Variants in NOS2 observed in about 807,000 individuals in gnomAD.
The protein encoded by NOS2 is nitric oxide synthase 2, also known as nitric oxide synthase, inducible.
In NOS2, 96 loss-of-function variants were observed where a neutral mutation model predicts 136.0. The observed-to-expected ratio is 0.71, with a 90% CI of 0.60 to 0.84. The LOEUF (loss-of-function observed/expected upper bound fraction) is 0.84. Among genes scored for constraint, NOS2 ranks in the 40% least tolerant of loss-of-function variants. The pLI is 0.00. For missense variants in NOS2, 1,237 were observed against 1,496.9 expected (o/e 0.83, Z 2.87); for synonymous variants, 539 against 587.5 (o/e 0.92, Z 1.20).
At chr17:27,773,339 T>C in intron 12 of NOS2, 96 bp from the exon 13 acceptor site, 1 of 831,046 alleles carries the variant, frequency 1.2e-6, no homozygotes, top group Admixed American at 2.2e-5. Context: ...ACACCCATCA[T>C]GAGCCTGGGA....
Position 27,762,864 on chromosome 17 carries a change from A to C in NOS2, c.2734T>G (p.Ser912Ala). ...TCTGTGGGCGTGTGATCCCGGGAGGAGCTGATGGAGTAGAACCTGGGCTTC... is the reference window on the plus strand; with the variant it reads ...TCTGTGGGCGTGTGATCCCGGGAGGCGCTGATGGAGTAGAACCTGGGCTTC... ...ILKPRFYSIS[S>A]SRDHTPTEIH... Residue 912 changes from serine (S) to alanine (A), a missense_variant, in exon 22 of 27, where the codon TCC becomes GCC. By Grantham distance (99) the Ser-to-Ala change is moderately conservative (BLOSUM62 1). This residue lies in a region of NOS2 where 782 missense variants were observed against 909.9 expected (regional missense o/e 0.86). Coordinates refer to ENST00000313735, the MANE Select transcript of NOS2 (RefSeq NM_000625.4). 6.3e-7 allele frequency: 1 copy of C among 1,578,502 alleles called. No homozygotes were observed. Among genetic ancestry groups the C allele is most frequent in the Non-Finnish European group, 8.6e-7 (1 of 1,162,610 alleles).
At chr17:27,793,384 A>C (rs535271391) in intron 2 of NOS2, among the ~76,000 whole-genome samples, 2 of 152,318 alleles carry the variant, frequency 1.3e-5, no homozygotes, top group East Asian at 3.9e-4. Context: ...CTCATAGTGC[A>C]TGGGGGGTTT....
chr17:27,763,606 G>T (rs910760230), intron 21 of NOS2, among the ~76,000 whole-genome samples: 4 of 152,176 alleles, frequency 2.6e-5, no homozygotes, highest in African/African-American at 9.7e-5. Flanking sequence ...CTCTCCATCT[G>T]TCACTCTGCC....
At chr17:27,781,209 C>T (rs761531798) in intron 7 of NOS2, 32 bp from the exon 8 acceptor site, 1 of 1,581,040 alleles carries the variant, frequency 6.3e-7, no homozygotes, top group Middle Eastern at 1.7e-4. Context: ...CTGTTTACCA[C>T]CTAGCCCTGG....
chr17:27,771,472 C>T (rs1018101199), intron 14 of NOS2, among the ~76,000 whole-genome samples: 2 of 152,260 alleles, frequency 1.3e-5, no homozygotes, highest in Non-Finnish European at 2.9e-5. Context: ...CACCACTCTC[C>T]TGGCAGTTCC....
intron 11 of NOS2, among the ~76,000 whole-genome samples, chr17:27,777,768 G>A (rs1161091812): frequency 3.9e-5 from 6 of 152,194 alleles, no homozygotes; most frequent in African/African-American, 9.7e-5. Flanking sequence ...AAGCTGGCCC[G>A]GCACCGTGGC....
At chr17:27,758,177 A>G (rs939851912) in intron 26 of NOS2, among the ~76,000 whole-genome samples, 6 of 152,366 alleles carry the variant, frequency 3.9e-5, no homozygotes, top group Non-Finnish European at 8.8e-5. Flanking sequence ...GTAGGTGCTC[A>G]ATAAATGTTC....
intron 22 of NOS2, among the ~76,000 whole-genome samples, chr17:27,761,675 C>T (rs1351490353): frequency 6.6e-6 from 1 of 152,158 alleles, no homozygotes; most frequent in East Asian, 1.9e-4. Flanking sequence ...ATGAGCGTGG[C>T]CCTTGCTGGT....
chr17:27,765,753 G>A, intron 19 of NOS2, 37 bp from the exon 20 acceptor site: 1 of 1,559,558 alleles, frequency 6.4e-7, no homozygotes, highest in South Asian at 1.2e-5. Context: ...TGACATTGCA[G>A]GATTTCCTCC....
chr17:27,761,401 C>T (rs557311675), intron 22 of NOS2, among the ~76,000 whole-genome samples, 170 bp from the exon 23 acceptor site: 4 of 152,238 alleles, frequency 2.6e-5, no homozygotes, highest in African/African-American at 9.6e-5. Context: ...TCTGTAAGCG[C>T]GGAGCTGAGG....
chr17:27,764,369 G>A (rs1238916907), intron 20 of NOS2, among the ~76,000 whole-genome samples: 1 of 152,140 alleles, frequency 6.6e-6, no homozygotes, highest in African/African-American at 2.4e-5. Context: ...AGTTGGCGTG[G>A]TCCTGATAAA....
At chr17:27,782,813 G>T in intron 6 of NOS2, 131 bp downstream of exon 6, 1 of 863,334 alleles carries the variant, frequency 1.2e-6, no homozygotes, top group Non-Finnish European at 1.8e-6. Flanking sequence ...ATTTGGGAAT[G>T]TAAGAGAGGA....
At chr17:27,785,164 G>A (rs1042926858) in intron 5 of NOS2, among the ~76,000 whole-genome samples, 22 of 152,036 alleles carry the variant, frequency 1.4e-4, no homozygotes, top group Non-Finnish European at 3.1e-4. Context: ...GTGTGACTTT[G>A]AGCAAGGTAC....
At position 27,773,146 on chromosome 17, in the gene NOS2, G is replaced by GCCACTGCCACTCACTTGACCAAGACTT; in HGVS notation, c.1547_1559+14dup. 1 of 1,601,298 alleles carries GCCACTGCCACTCACTTGACCAAGACTT rather than the reference G, an allele frequency of 6.2e-7. No individual in the cohort carries two copies. Among genetic ancestry groups the GCCACTGCCACTCACTTGACCAAGACTT allele is most frequent in the African/African-American group, 1.3e-5 (1 of 74,764 alleles). On this transcript the variant is annotated intron_variant, in intron 13 of 26. Coordinates refer to ENST00000313735, the MANE Select transcript of NOS2 (RefSeq NM_000625.4). Reference sequence around the variant, plus strand: ...AGTTCACACATCACTACTAGCCACTGCCACTGCCACTCACTTGACCAAGAC... The same window carrying GCCACTGCCACTCACTTGACCAAGACTT: ...AGTTCACACATCACTACTAGCCACTGCCACTGCCACTCACTTGACCAAGACTTCCACTGCCACTCACTTGACCAAGAC...
intron 7 of NOS2, among the ~76,000 whole-genome samples, chr17:27,781,409 T>G (rs553136502): frequency 6.6e-6 from 1 of 152,362 alleles, no homozygotes; most frequent in South Asian, 2.1e-4. Flanking sequence ...TCTGCCAGTC[T>G]TTCCCTCACT....
chr17:27,782,243 C>G, intron 6 of NOS2, 137 bp from the exon 7 acceptor site: 1 of 726,562 alleles, frequency 1.4e-6, no homozygotes, highest in Non-Finnish European at 2.4e-6. Context: ...CCGAAGAGTG[C>G]AGCCTCCAAT....
Position 27,757,332 on chromosome 17 carries a change from C to G in NOS2, c.3376G>C (p.Asp1126His). 1 of 1,614,098 alleles carries G rather than the reference C, an allele frequency of 6.2e-7. No homozygotes were observed. Among genetic ancestry groups the G allele is most frequent in the Non-Finnish European group, 8.5e-7 (1 of 1,180,002 alleles). Residue 1126 changes from aspartate to histidine, a missense_variant, in exon 27 of 27, where the codon GAT becomes CAT. Asp to His is a moderately conservative substitution (Grantham distance 81). This residue lies in a region of NOS2 where 782 missense variants were observed against 909.9 expected (regional missense o/e 0.86). Coordinates refer to ENST00000313735, the MANE Select transcript of NOS2 (RefSeq NM_000625.4). Reference protein sequence around the residue: ...QLKSQKRYHEDIFGAVFPYEA... With the variant: ...QLKSQKRYHEHIFGAVFPYEA... ...TAAGGAAATACAGCACCAAAGATAT[C>G]TTCGTGATAGCGCTTCTGGCTCTTT...
Position 27,761,174 on chromosome 17 carries a change from G to A in NOS2, c.2858C>T (p.Pro953Leu). ...VCSTWLNSLK[P>L]QDPVPCFVRN... Reference sequence around the variant, plus strand: ...CACAAAGCAGGGCACTGGGTCTTGGGGCTTCAGGCTGTTGAGCCATGTGCT... The same window carrying A: ...CACAAAGCAGGGCACTGGGTCTTGGAGCTTCAGGCTGTTGAGCCATGTGCT... Residue 953 changes from proline (P) to leucine (L), a missense_variant, in exon 23 of 27, where the codon CCC (proline) becomes CTC (leucine). By Grantham distance (98) the Pro-to-Leu change is moderately conservative. Coordinates refer to ENST00000313735, the MANE Select transcript of NOS2 (RefSeq NM_000625.4). 1.2e-6 allele frequency: 2 copies of A among 1,608,894 alleles called. No individual in the cohort carries two copies. Among genetic ancestry groups the A allele is most frequent in the Non-Finnish European group, 1.7e-6 (2 of 1,178,380 alleles).
chr17:27,759,886 C>A, intron 25 of NOS2, 144 bp downstream of exon 25: 1 of 748,198 alleles, frequency 1.3e-6, no homozygotes, highest in Non-Finnish European at 2.0e-6. Context: ...ATGCTCTTCA[C>A]AGCATCACTC....
Sources: gnomAD v4.1 joint callset for allele counts (sites outside exome capture counted in the v4.1 genomes callset) on GRCh38, gnomAD v4.1.1 for gene constraint, gnomAD v4.1.1 regional missense constraint, MANE v1.5 for transcripts, NCBI Gene and HGNC (gene_info 2026-07-23, HGNC 2026-07-21) for gene names.